TCF7L2: variants seen among roughly 807,000 people sequenced by gnomAD.
TCF7L2 encodes the protein transcription factor 7-like 2.
A neutral mutation model predicts 77.9 loss-of-function variants in TCF7L2; 23 were observed. The observed-to-expected ratio is 0.30, with a 90% CI of 0.21 to 0.42. The LOEUF (loss-of-function observed/expected upper bound fraction) is 0.42, where lower values mean the gene tolerates loss of function less well. Ranked by LOEUF, TCF7L2 falls within the 10% of genes least tolerant of loss-of-function variation. TCF7L2 has a pLI of 1.00. For synonymous variants in TCF7L2, 413 were observed against 340.2 expected (o/e 1.21, Z -2.36); for missense variants, 654 against 793.1 (o/e 0.82, Z 2.11).
intron 5 of TCF7L2, among the ~76,000 whole-genome samples, chr10:113,070,326 A>T (rs906986176): frequency 2.0e-5 from 3 of 150,072 alleles, no homozygotes; most frequent in Non-Finnish European, 4.4e-5. Context: ...AACGAGTGGT[A>T]TAAGGTTCTT....
chr10:112,965,323 G>A (rs757966011), intron 4 of TCF7L2, among the ~76,000 whole-genome samples: 2 of 152,300 alleles, frequency 1.3e-5, no homozygotes, highest in South Asian at 4.2e-4. Context: ...TAGACTCGGA[G>A]CTGAACTGAT....
intron 5 of TCF7L2, among the ~76,000 whole-genome samples, chr10:113,109,291 A>G (rs2062819200): frequency 6.6e-6 from 1 of 152,228 alleles, no homozygotes; most frequent in African/African-American, 2.4e-5. Context: ...TGGGGAAACA[A>G]TTTTATTCCT....
intron 4 of TCF7L2, among the ~76,000 whole-genome samples, chr10:113,034,491 A>G (rs1449657775): frequency 1.3e-5 from 2 of 152,258 alleles, no homozygotes; most frequent in Non-Finnish European, 2.9e-5. Context: ...CTTTGGGCGC[A>G]TAAGCAGAGT....
At chr10:112,951,730 C>G (rs2134216595) in intron 3 of TCF7L2, 123 bp downstream of exon 3, 1 of 354,300 alleles carries the variant, frequency 2.8e-6, no homozygotes, top group African/African-American at 2.3e-5. Flanking sequence ...TCCCCTCCCT[C>G]CCTCCCCTCC....
chr10:112,981,486 T>G (rs1193825425), intron 4 of TCF7L2, among the ~76,000 whole-genome samples: 1 of 152,160 alleles, frequency 6.6e-6, no homozygotes, highest in Non-Finnish European at 1.5e-5. Flanking sequence ...TTTTGCTGAT[T>G]GGGTTGGTAC....
Position 113,008,584 on chromosome 10 carries a change from A to C in TCF7L2, c.451-31441A>C, listed in dbSNP as rs200498048. ...TTTATTTGATGCATTCAAACATTTGATTCATTTATTTAAACTCAGTCTCAC... is the reference window on the plus strand; with the variant it reads ...TTTATTTGATGCATTCAAACATTTGCTTCATTTATTTAAACTCAGTCTCAC... On this transcript the variant is annotated intron_variant, in intron 4 of 13. Transcript: ENST00000627217. Among the ~76,000 whole-genome samples, 14 of 152,248 alleles carry C rather than the reference A, an allele frequency of 9.2e-5. No individual in the cohort carries two copies. In the East Asian group the frequency reaches 2.3e-3, roughly 25 times the overall value.
chr10:113,110,193 TA>T (rs1479594189), intron 5 of TCF7L2, among the ~76,000 whole-genome samples: 1 of 152,180 alleles, frequency 6.6e-6, no homozygotes, highest in Non-Finnish European at 1.5e-5. Flanking sequence ...AGATGCATTT[TA>T]AAAAATATTA....
At chr10:112,987,077 G>A (rs763978933) in intron 4 of TCF7L2, among the ~76,000 whole-genome samples, 1 of 152,170 alleles carries the variant, frequency 6.6e-6, no homozygotes. Flanking sequence ...ACGACAACCC[G>A]AGTTGTTCAT....
chr10:113,139,870 T>C (rs1294625747), intron 5 of TCF7L2, among the ~76,000 whole-genome samples: 1 of 151,568 alleles, frequency 6.6e-6, no homozygotes, highest in Admixed American at 6.6e-5. Context: ...AACTGCTTAG[T>C]GATCCCTCAG....
intron 4 of TCF7L2, among the ~76,000 whole-genome samples, chr10:113,020,711 C>G (rs1481217346): frequency 6.6e-6 from 1 of 152,074 alleles, no homozygotes; most frequent in African/African-American, 2.4e-5. Context: ...AGGGATATTA[C>G]TATTACCTTC....
chr10:113,122,871 G>T (rs1003442711), intron 5 of TCF7L2, among the ~76,000 whole-genome samples: 2 of 152,212 alleles, frequency 1.3e-5, no homozygotes, highest in Non-Finnish European at 2.9e-5. Flanking sequence ...GGGAAGAGAA[G>T]TGTAGAAACC....
chr10:112,980,484 C>G (rs1208796588), intron 4 of TCF7L2, among the ~76,000 whole-genome samples: 1 of 152,130 alleles, frequency 6.6e-6, no homozygotes, highest in African/African-American at 2.4e-5. Context: ...TGAAATGTAT[C>G]AGACTCAATT....
intron 11 of TCF7L2, chr10:113,157,796 C>T (rs1755621246): frequency 8.0e-6 from 4 of 498,052 alleles, no homozygotes; most frequent in South Asian, 4.7e-5. Flanking sequence ...CACCACCCGC[C>T]AATCCCTTCT....
rs551319664 is a variant in TCF7L2, at chr10:112,962,756, G to A, written c.382-1800G>A. On this transcript the variant is annotated intron_variant, in intron 3 of 13. Coordinates refer to ENST00000627217, the MANE Select transcript of TCF7L2 (RefSeq NM_001146274.2). Reference sequence around the variant, plus strand: ...TGGGACTATAGGCGCCCGCCACCACGCCTGGCTAATTTTTGTATTCTTGGT... The same window carrying A: ...TGGGACTATAGGCGCCCGCCACCACACCTGGCTAATTTTTGTATTCTTGGT... Among the ~76,000 whole-genome samples, 11 of 152,160 alleles carry A rather than the reference G, an allele frequency of 7.2e-5. 1 individual carries two copies. Among genetic ancestry groups the A allele is most frequent in the African/African-American group, 2.6e-4 (11 of 41,520 alleles).
chr10:113,136,329 A>C (rs907544621), intron 5 of TCF7L2, among the ~76,000 whole-genome samples: 36 of 152,090 alleles, frequency 2.4e-4, no homozygotes. Flanking sequence ...TCCTACCTTC[A>C]TTTCGTCTAG....
intron 5 of TCF7L2, chr10:113,129,657 A>T: frequency 8.4e-7 from 1 of 1,187,366 alleles, no homozygotes; most frequent in Non-Finnish European, 1.1e-6. Flanking sequence ...TTTTGAGCCT[A>T]CTCGGCCAGG....
intron 5 of TCF7L2, among the ~76,000 whole-genome samples, chr10:113,140,781 C>G (rs2068224860): frequency 6.6e-6 from 1 of 152,126 alleles, no homozygotes; most frequent in African/African-American, 2.4e-5. Context: ...GTCCCCTGTG[C>G]AGCCTGCGTG....
At chr10:113,043,773 G>C (rs1400324039) in intron 5 of TCF7L2, among the ~76,000 whole-genome samples, 2 of 151,496 alleles carry the variant, frequency 1.3e-5, no homozygotes, top group Non-Finnish European at 2.9e-5. Context: ...TTAATTCTTT[G>C]CTCCCTTTTT....
At chr10:113,031,923 T>G (rs1485293978) in intron 4 of TCF7L2, among the ~76,000 whole-genome samples, 1 of 152,218 alleles carries the variant, frequency 6.6e-6, no homozygotes, top group Non-Finnish European at 1.5e-5. Flanking sequence ...TAATGGTAAA[T>G]GCTGCAGGAA....
Sources: allele counts gnomAD v4.1 joint callset (sites outside exome capture counted in the v4.1 genomes callset), GRCh38; gene constraint gnomAD v4.1.1; transcripts MANE v1.5; gene names NCBI Gene and HGNC (gene_info 2026-07-23, HGNC 2026-07-21).